The following TLE5 variants were observed in gnomAD, a reference collection of about 807,000 sequenced individuals.
TLE5 encodes TLE family member 5, transcriptional modulator.
A neutral mutation model predicts 25.8 loss-of-function variants in TLE5; 7 were observed. The observed-to-expected ratio is 0.27, with a 90% CI of 0.15 to 0.51. The LOEUF is 0.51. TLE5 is among the 20% of genes least tolerant of loss of function. TLE5 has a pLI of 0.97. For synonymous variants in TLE5, 132 were observed against 110.5 expected (o/e 1.20, Z -1.22); for missense variants, 149 against 250.7 (o/e 0.59, Z 2.74).
rs1738968322 is a variant in TLE5, at chr19:3,052,975, TC to T, written c.*843del. On this transcript the variant is annotated 3_prime_UTR_variant, in exon 7 of 7. Coordinates refer to ENST00000327141, the MANE Select transcript of TLE5 (RefSeq NM_001130.6). ...CACCCTTGATACAGCATTTTCCACT[TC>T]TCTCTGTAGAGATCAGACGATTGAA... 6.6e-6 allele frequency: 1 copy of T among 152,044 alleles called. No individual in the cohort carries two copies. The highest frequency in any genetic ancestry group is 2.4e-5 in the African/African-American group (1 of 41,390). 9.4% of individuals were successfully genotyped at this position (152,044 alleles called of 1,614,324 possible). A position where few individuals can be genotyped will look rare whatever the true frequency, so the allele number is the denominator to read the frequency against.
chr19:3,061,778 C>T (rs1309455134), intron 1 of TLE5, among the ~76,000 whole-genome samples: 2 of 151,162 alleles, frequency 1.3e-5, no homozygotes, highest in African/African-American at 2.4e-5. Context: ...TCACCCCCCC[C>T]ACCACAGGCC....
chr19:3,062,050 G>T (rs1374210817), intron 1 of TLE5, 124 bp downstream of exon 1: 3 of 216,724 alleles, frequency 1.4e-5, no homozygotes, highest in African/African-American at 5.3e-5. Flanking sequence ...CCGGGGAGTT[G>T]GGGGGGGCGC....
At chr19:3,055,526 T>C in intron 5 of TLE5, 138 bp downstream of exon 5, 1 of 662,616 alleles carries the variant, frequency 1.5e-6, no homozygotes, top group Non-Finnish European at 2.4e-6. Context: ...GGCTCTGGTG[T>C]TCAGAGCCAG....
Position 3,061,277 on chromosome 19 carries a change from C to G in TLE5, c.28-20G>C. 1.3e-6 allele frequency: 2 copies of G among 1,595,610 alleles called. No homozygotes were observed. Among genetic ancestry groups the G allele is most frequent in the African/African-American group, 1.3e-5 (1 of 74,576 alleles). ...GGAGCCCTGTAGGGATGGGGCGGCC[C>G]GGGTCAGGCCCAGGCGTGGGCTGGA... On this transcript the variant is annotated intron_variant, in intron 1 of 6. Transcript: ENST00000327141.
rs7938 is a variant in TLE5 at position 3,053,576 on chromosome 19, T to C, written c.*243A>G. ...CCTCCAGGCCTTAGCTTGCCTCACA[T>C]GTCAGGGCAGGTATCCACCTAACCA... is the stretch of plus-strand genomic sequence containing the variant. On this transcript the variant is annotated 3_prime_UTR_variant, in exon 7 of 7. Coordinates refer to ENST00000327141, the MANE Select transcript of TLE5 (RefSeq NM_001130.6). The C allele has an allele frequency of 0.26, 152,204 of 577,242 alleles. 21,619 individuals are homozygous for C. The highest frequency in any genetic ancestry group is 0.31 in the Non-Finnish European group (99,493 of 324,556). The allele number at this position is 577,242 out of a possible 1,614,324, so 35.8% of individuals were successfully genotyped here.
At chr19:3,062,651 G>T (rs1168045779), upstream of TLE5, 48 of 1,309,022 alleles carry the variant, frequency 3.7e-5, no homozygotes, top group Non-Finnish European at 4.6e-5. Context: ...GTGACCTTGG[G>T]CCCGGCCCGC....
At chr19:3,062,626 G>A (rs1483066123), upstream of TLE5, 2 of 1,162,628 alleles carry the variant, frequency 1.7e-6, no homozygotes, top group East Asian at 3.8e-5. Context: ...GCCTCCCCGT[G>A]GCCCGCCCGC....
At chr19:3,057,816 G>T in intron 2 of TLE5, 74 bp from the exon 3 acceptor site, 1 of 1,411,982 alleles carries the variant, frequency 7.1e-7, no homozygotes, top group Non-Finnish European at 9.9e-7. Flanking sequence ...CGTTATCCAG[G>T]GGAGGAAACT....
chr19:3,056,500 G>A, intron 3 of TLE5, 144 bp from the exon 4 acceptor site: 1 of 580,954 alleles, frequency 1.7e-6, no homozygotes, highest in Non-Finnish European at 3.2e-6. Flanking sequence ...GAAAGGAGAG[G>A]CAGGTGGGAG....
At chr19:3,056,270 GGAAGGAGGA>G in intron 4 of TLE5, 33 bp downstream of exon 4, 1 of 1,409,254 alleles carries the variant, frequency 7.1e-7, no homozygotes, top group Non-Finnish European at 9.6e-7. Flanking sequence ...GGGAGGAGGG[GGAAGGAGGA>G]GGAGGAGGAG....
intron 1 of TLE5, among the ~76,000 whole-genome samples, chr19:3,061,970 G>C (rs1413199357): frequency 7.9e-6 from 1 of 126,070 alleles, no homozygotes; most frequent in Non-Finnish European, 1.7e-5. Context: ...TGGAGGGGGG[G>C]TGTCCGGGGG....
At chr19:3,057,381 T>G in intron 3 of TLE5, 1 of 419,868 alleles carries the variant, frequency 2.4e-6, no homozygotes, top group Non-Finnish European at 4.4e-6. Flanking sequence ...GCTGTTGGCT[T>G]TCACAGCCGG....
chr19:3,054,585 C>T lies in TLE5; in HGVS notation c.298-391G>A, dbSNP rs557700697. On this transcript the variant is annotated intron_variant, in intron 5 of 6. Coordinates refer to ENST00000327141, the MANE Select transcript of TLE5 (RefSeq NM_001130.6). ...CACAACCTGCCCAACTGTACAGGGA[C>T]GTCCTGATCCTAGGAGCTCCAAGAC... is the stretch of plus-strand genomic sequence containing the variant. 1.1e-4 allele frequency: 25 copies of T among 230,652 alleles called. 1 individual carries two copies. In the East Asian group the frequency reaches 1.6e-3, roughly 15 times the overall value. The allele number at this position is 230,652 out of a possible 1,614,324, so 14.3% of individuals were successfully genotyped here.
Position 3,054,054 on chromosome 19 carries a change from GA to G in TLE5, c.373-15del. 6.4e-7 allele frequency: 1 copy of G among 1,573,916 alleles called. No individual in the cohort carries two copies. The highest frequency in any genetic ancestry group is 8.6e-7 in the Non-Finnish European group (1 of 1,161,352). ...TTGGAGCTGCTGCTGCAGGGCGGGGGAGGGGAACATTAGCTGCCTGGGGCCC... is the reference window on the plus strand; with the variant it reads ...TTGGAGCTGCTGCTGCAGGGCGGGGGGGGGAACATTAGCTGCCTGGGGCCC... On this transcript the variant is annotated splice_polypyrimidine_tract_variant and intron_variant, in intron 6 of 6. Coordinates refer to ENST00000327141, the MANE Select transcript of TLE5 (RefSeq NM_001130.6).
Position 3,053,930 on chromosome 19 carries a change from G to A in TLE5, c.483C>T (p.Thr161=), listed in dbSNP as rs1169377814. The change falls in exon 7 of 7, where the codon ACC becomes ACT. Residue 161 remains threonine, a synonymous_variant. Coordinates refer to ENST00000327141, the MANE Select transcript of TLE5 (RefSeq NM_001130.6). The part of the protein sequence containing the change: ...PPSLPAVSAG[T]GLLSLSALGS... ...CCAGCGCGGACAGCGAGAGGAGGCC[G>A]GTGCCTGCGCTGACCGCCGGCAGCG... 8.7e-6 allele frequency: 14 copies of A among 1,612,728 alleles called. No homozygotes were observed. The highest frequency in any genetic ancestry group is 1.0e-5 in the Non-Finnish European group (12 of 1,179,936).
chr19:3,057,803 C>G, intron 2 of TLE5, 61 bp from the exon 3 acceptor site: 2 of 1,511,904 alleles, frequency 1.3e-6, no homozygotes, highest in South Asian at 2.3e-5. Flanking sequence ...GCCCCCCACC[C>G]TCCGTTATCC....
upstream of TLE5, chr19:3,062,955 C>T: frequency 1.3e-6 from 1 of 789,392 alleles, no homozygotes; most frequent in South Asian, 1.6e-5. Flanking sequence ...TGTGCCAGGC[C>T]CCGCTGCTCC....
Position 3,057,663 on chromosome 19 carries a change from G to C in TLE5, c.189+16C>G. 1 of 1,612,888 alleles carries C rather than the reference G, an allele frequency of 6.2e-7. No homozygotes were observed. The highest frequency in any genetic ancestry group is 8.5e-7 in the Non-Finnish European group (1 of 1,179,508). ...GCCCGCCCCCAACACTGGACCTGGG[G>C]GCGGAGTGACGTTACCATCACATAG... On this transcript the variant is annotated intron_variant, in intron 3 of 6. Transcript: ENST00000327141.
At chr19:3,055,872 G>T in intron 4 of TLE5, 146 bp from the exon 5 acceptor site, 1 of 829,584 alleles carries the variant, frequency 1.2e-6, no homozygotes, top group Non-Finnish European at 1.8e-6. Flanking sequence ...GATGAGCAAA[G>T]CCGTGTTCGG....
Sources: allele counts gnomAD v4.1 joint callset (sites outside exome capture counted in the v4.1 genomes callset), GRCh38; gene constraint gnomAD v4.1.1; transcripts MANE v1.5; gene names NCBI Gene and HGNC (gene_info 2026-07-23, HGNC 2026-07-21).